Variants in PEAK1 observed in about 807,000 individuals in gnomAD.
PEAK1 encodes the protein pseudopodium enriched atypical kinase 1.
Under a neutral mutation model 124.7 loss-of-function variants are expected in PEAK1, and 54 were observed. The ratio of observed to expected loss-of-function variants is 0.43; its 90% CI spans 0.35 to 0.54. The LOEUF (loss-of-function observed/expected upper bound fraction) is 0.54, where lower values mean the gene tolerates loss of function less well. Among genes scored for constraint, PEAK1 ranks in the 20% least tolerant of loss-of-function variants. The pLI is 0.01. For synonymous variants in PEAK1, 719 were observed against 760.0 expected, an observed-to-expected ratio of 0.95 and a Z score of 0.89; for missense variants, 2,046 against 2,134.5, an observed-to-expected ratio of 0.96 and a Z score of 0.82.
At chr15:77,128,097 G>T (rs970337671) in intron 9 of PEAK1, among the ~76,000 whole-genome samples, 41 of 149,216 alleles carry the variant, frequency 2.7e-4, no homozygotes, top group African/African-American at 9.8e-4. Context: ...AAAAAAAAAA[G>T]GGAAAGCTTG....
intron 1 of PEAK1, chr15:77,403,576 C>T (rs1595859125): frequency 2.1e-6 from 2 of 966,900 alleles, no homozygotes; most frequent in South Asian, 4.8e-5. Context: ...TATATTCAGC[C>T]TCTGAGTCTA....
intron 5 of PEAK1, among the ~76,000 whole-genome samples, chr15:77,276,908 AG>A (rs1160945424): frequency 3.3e-5 from 5 of 152,200 alleles, no homozygotes. Context: ...AGGGAGCAAA[AG>A]TTTCTATACT....
At chr15:77,361,240 T>C (rs556029609) in intron 2 of PEAK1, among the ~76,000 whole-genome samples, 1 of 152,180 alleles carries the variant, frequency 6.6e-6, no homozygotes, top group East Asian at 1.9e-4. Context: ...AAAGAAGACA[T>C]ATACCAGCCT....
Position 77,112,067 on chromosome 15 carries a change from C to T in PEAK1, c.*2089G>A. ...GCCACAGGACACCAAGAGCAGACTG[C>T]TGGCCTGCAGCAGCATGCCCACTCC... On this transcript the variant is annotated 3_prime_UTR_variant, in exon 10 of 10. Coordinates refer to ENST00000682557, the MANE Select transcript of PEAK1 (RefSeq NM_001385026.1). The T allele has an allele frequency of 6.6e-6, 1 of 152,392 alleles. No homozygotes were observed. Among genetic ancestry groups the T allele is most frequent in the Non-Finnish European group, 1.5e-5 (1 of 68,074 alleles). 9.4% of individuals were successfully genotyped at this position (152,392 alleles called of 1,614,324 possible).
intron 8 of PEAK1, among the ~76,000 whole-genome samples, chr15:77,146,281 T>G (rs1229762145): frequency 6.6e-6 from 1 of 152,148 alleles, no homozygotes; most frequent in African/African-American, 2.4e-5. Flanking sequence ...AGGCCTACCA[T>G]AGTCAAATAT....
At chr15:77,139,315 T>C (rs547972897) in intron 8 of PEAK1, among the ~76,000 whole-genome samples, 119 of 152,262 alleles carry the variant, frequency 7.8e-4, no homozygotes, top group African/African-American at 2.8e-3. Flanking sequence ...TGTTTTACAG[T>C]TTTTTAAAAA....
At chr15:77,416,781 C>T (rs1300262954) in intron 1 of PEAK1, among the ~76,000 whole-genome samples, 5 of 152,114 alleles carry the variant, frequency 3.3e-5, no homozygotes, top group Admixed American at 6.6e-5. Context: ...GAAAATTATG[C>T]ACCAGATTCT....
At chr15:77,264,447 T>G (rs1193452252) in intron 5 of PEAK1, among the ~76,000 whole-genome samples, 1 of 152,178 alleles carries the variant, frequency 6.6e-6, no homozygotes, top group Non-Finnish European at 1.5e-5. Context: ...ACAAGCATTC[T>G]TATACACCAA....
At chr15:77,244,110 G>T (rs1487789066) in intron 6 of PEAK1, among the ~76,000 whole-genome samples, 1 of 152,144 alleles carries the variant, frequency 6.6e-6, no homozygotes, top group African/African-American at 2.4e-5. Context: ...TTCCTACAGA[G>T]TTTGGTAGTC....
At chr15:77,334,078 T>C in intron 2 of PEAK1, 1 of 801,126 alleles carries the variant, frequency 1.2e-6, no homozygotes, top group Non-Finnish European at 1.5e-6. Flanking sequence ...TATGTTATCC[T>C]GTAAGGTTTT....
At position 77,202,718 on chromosome 15, in the gene PEAK1, G is replaced by A. The variant is rs560752924; in HGVS notation, c.-114-20678C>T. Among the ~76,000 whole-genome samples, 5 of 151,360 alleles carry A rather than the reference G, an allele frequency of 3.3e-5. No homozygotes were observed. The South Asian group carries it at 6.3e-4, about 19-fold the overall frequency. On this transcript the variant is annotated intron_variant, in intron 6 of 9. Transcript: ENST00000682557. ...CCGGAGGCGGAGCTTGCAGTGAGCC[G>A]AGATCATGCCACTGCACTCCAGCCT...
At chr15:77,339,852 G>C (rs777874088) in intron 2 of PEAK1, among the ~76,000 whole-genome samples, 1 of 152,106 alleles carries the variant, frequency 6.6e-6, no homozygotes, top group Non-Finnish European at 1.5e-5. Flanking sequence ...CAGACACCTC[G>C]TCAAAGAAGA....
In PEAK1 at chr15:77,179,811, C is replaced by A. The variant is rs964223392; in HGVS notation, c.2116G>T (p.Val706Phe). ...EHKRGSVAQK[V>F]QEFNNCLNRG... ...TTGAGACAGTTGTTAAACTCTTGAA[C>A]CTTCTGAGCCACTGAGCCCCTTTTA... The change falls in exon 7 of 10, where the codon GTT (valine) becomes TTT (phenylalanine). Residue 706 changes from valine (V) to phenylalanine (F), a missense_variant. Transcript: ENST00000682557. The A allele has an allele frequency of 6.2e-7, 1 of 1,614,106 alleles. No homozygotes were observed. The highest frequency in any genetic ancestry group is 8.5e-7 in the Non-Finnish European group (1 of 1,180,010).
At chr15:77,214,261 T>C (rs1461609442) in intron 6 of PEAK1, among the ~76,000 whole-genome samples, 1 of 152,020 alleles carries the variant, frequency 6.6e-6, no homozygotes, top group African/African-American at 2.4e-5. Context: ...GGTAAATACC[T>C]TTGTATCAGT....
intron 2 of PEAK1, among the ~76,000 whole-genome samples, chr15:77,303,051 G>A (rs1179110363): frequency 6.6e-6 from 1 of 152,028 alleles, no homozygotes; most frequent in Non-Finnish European, 1.5e-5. Flanking sequence ...CTCTAACTTG[G>A]CAATGTGCAT....
At chr15:77,386,376 C>T (rs1421793842) in intron 1 of PEAK1, among the ~76,000 whole-genome samples, 2 of 152,270 alleles carry the variant, frequency 1.3e-5, no homozygotes, top group Non-Finnish European at 2.9e-5. Context: ...TTTGAATTTT[C>T]ATAGATTTCT....
In PEAK1 at chr15:77,181,252, G is replaced by A. The variant is rs773831591; in HGVS notation, c.675C>T (p.Phe225=). 6.2e-7 allele frequency: 1 copy of A among 1,613,882 alleles called. No homozygotes were observed. Among genetic ancestry groups the A allele is most frequent in the Non-Finnish European group, 8.5e-7 (1 of 1,180,008 alleles). Residue 225 remains phenylalanine, a synonymous_variant, in exon 7 of 10, where the codon TTC becomes TTT. Coordinates refer to ENST00000682557, the MANE Select transcript of PEAK1 (RefSeq NM_001385026.1). The stretch of plus-strand genomic sequence containing the variant: ...CGCCACTGGAAAACTCTGGGTAACA[G>A]AACCGGCCCCCTTCATTACTAATCA... ...TEVISNEGGR[F]CYPEFSSGEE... is the part of the protein sequence containing the mutation.
At chr15:77,318,656 T>G (rs1189014411) in intron 2 of PEAK1, among the ~76,000 whole-genome samples, 15 of 151,960 alleles carry the variant, frequency 9.9e-5, no homozygotes, top group Non-Finnish European at 2.2e-4. Context: ...TAGTCATAAA[T>G]TATAAATTAA....
rs748371978 is a variant in PEAK1, at chr15:77,180,364, G to C, written c.1563C>G (p.Ala521=). 1 of 1,614,074 alleles carries C rather than the reference G, an allele frequency of 6.2e-7. No individual in the cohort carries two copies. The highest frequency in any genetic ancestry group is 8.5e-7 in the Non-Finnish European group (1 of 1,180,000). Reference sequence around the variant, plus strand: ...GAATTGCACTGGATTTTTGGAAATGGGCACTTATTTGTCCTGGTGTCAATG... The same window carrying C: ...GAATTGCACTGGATTTTTGGAAATGCGCACTTATTTGTCCTGGTGTCAATG... ...SSSLTPGQIS[A]HFQKSSAIRY... The change falls in exon 7 of 10, where the codon GCC becomes GCG. Residue 521 remains alanine, a synonymous_variant. Transcript: ENST00000682557.
Sources: gnomAD v4.1 joint callset for allele counts (sites outside exome capture counted in the v4.1 genomes callset) on GRCh38, gnomAD v4.1.1 for gene constraint, MANE v1.5 for transcripts, NCBI Gene and HGNC (gene_info 2026-07-23, HGNC 2026-07-21) for gene names.